The following ZFHX3 variants were observed in gnomAD, a reference collection of about 807,000 sequenced individuals.
The protein encoded by ZFHX3 is zinc finger homeobox 3.
A neutral mutation model predicts 279.1 loss-of-function variants in ZFHX3; 42 were observed. The ratio of observed to expected loss-of-function variants is 0.15; its 90% confidence interval spans 0.12 to 0.19. The LOEUF (loss-of-function observed/expected upper bound fraction) is 0.19. Among genes scored for constraint, ZFHX3 ranks in the 10% least tolerant of loss-of-function variants. ZFHX3 has a pLI of 1.00. For synonymous variants in ZFHX3, 2,293 were observed against 1,957.8 expected (o/e 1.17, Z -4.52); for missense variants, 4,981 against 4,754.0 (o/e 1.05, Z -1.40).
intron 1 of ZFHX3, among the ~76,000 whole-genome samples, chr16:73,007,753 C>CT (rs905378776): frequency 4.0e-5 from 6 of 151,306 alleles, no homozygotes; most frequent in South Asian, 2.1e-4. Context: ...AAGGCCAGAA[C>CT]TTTTTTTTTA....
chr16:73,322,729 C>A (rs892868482), intron 3 of ZFHX3, among the ~76,000 whole-genome samples: 2 of 152,204 alleles, frequency 1.3e-5, no homozygotes, highest in Non-Finnish European at 2.9e-5. Context: ...CACATTTGAC[C>A]ATTCCCTATT....
chr16:73,252,238 T>A (rs1306199982), intron 5 of ZFHX3, among the ~76,000 whole-genome samples: 4 of 151,992 alleles, frequency 2.6e-5, no homozygotes. Context: ...AAAATAAAAC[T>A]GTGATCCATG....
intron 2 of ZFHX3, among the ~76,000 whole-genome samples, chr16:73,549,774 A>G (rs2020175793): frequency 6.6e-6 from 1 of 152,162 alleles, no homozygotes; most frequent in South Asian, 2.1e-4. Context: ...AGCAGAAAAT[A>G]TTCACCACAA....
At chr16:73,423,709 A>G (rs1267915392) in intron 3 of ZFHX3, among the ~76,000 whole-genome samples, 3 of 152,104 alleles carry the variant, frequency 2.0e-5, no homozygotes, top group Non-Finnish European at 4.4e-5. Flanking sequence ...TAAGAATACA[A>G]AACTTAGCCA....
At chr16:73,252,623 G>C (rs1378647169) in intron 5 of ZFHX3, among the ~76,000 whole-genome samples, 2 of 152,162 alleles carry the variant, frequency 1.3e-5, no homozygotes, top group South Asian at 2.1e-4. Context: ...AGCTTCAAAA[G>C]CTCAGGGTGG....
intron 5 of ZFHX3, among the ~76,000 whole-genome samples, chr16:73,199,142 C>A (rs1168497657): frequency 6.6e-6 from 1 of 152,190 alleles, no homozygotes. Context: ...CCAGGTTCAA[C>A]TATACCATCA....
chr16:73,697,364 A>G (rs1453519240), intron 1 of ZFHX3, among the ~76,000 whole-genome samples: 1 of 152,238 alleles, frequency 6.6e-6, no homozygotes, highest in Non-Finnish European at 1.5e-5. Context: ...ATAAAGACAA[A>G]TGAATCACAG....
chr16:73,502,015 G>A (rs541660171), intron 2 of ZFHX3, among the ~76,000 whole-genome samples: 1 of 152,040 alleles, frequency 6.6e-6, no homozygotes, highest in Non-Finnish European at 1.5e-5. Flanking sequence ...CCACAGCAGC[G>A]GGTTGTCTCT....
intron 4 of ZFHX3, among the ~76,000 whole-genome samples, chr16:72,867,393 A>G (rs1165311790): frequency 6.6e-6 from 1 of 152,234 alleles, no homozygotes; most frequent in Non-Finnish European, 1.5e-5. Flanking sequence ...CTGAGCAGGA[A>G]GATGAGAACG....
chr16:73,324,576 A>G (rs1288715411), intron 3 of ZFHX3, among the ~76,000 whole-genome samples: 2 of 152,216 alleles, frequency 1.3e-5, no homozygotes, highest in African/African-American at 4.8e-5. Flanking sequence ...AGAGAATGCA[A>G]TGATGAAAGT....
chr16:73,809,185 G>A (rs567040420), intron 1 of ZFHX3: 12 of 152,292 alleles, frequency 7.9e-5, no homozygotes, highest in Middle Eastern at 3.4e-3. Context: ...AGAGTTCCTG[G>A]GAGGAATTAA....
At chr16:73,011,485 G>C (rs12050983) in intron 1 of ZFHX3, among the ~76,000 whole-genome samples, 34,155 of 151,834 alleles carry the variant, frequency 0.22, 4,518 homozygotes, top group East Asian at 0.64. Context: ...GCTCATACCT[G>C]TAATCCCAGT....
In ZFHX3 at chr16:72,882,473, C is replaced by T. The variant is rs113673180; in HGVS notation, c.3448+7258G>A. Reference sequence around the variant, plus strand: ...TAGAACATCAAAGAATGAGTGAATACGAATCACTGCAACTCAGGCCACTGC... The same window carrying T: ...TAGAACATCAAAGAATGAGTGAATATGAATCACTGCAACTCAGGCCACTGC... On this transcript the variant is annotated intron_variant, in intron 4 of 9. Coordinates refer to ENST00000268489, the MANE Select transcript of ZFHX3 (RefSeq NM_006885.4). Among the ~76,000 whole-genome samples the T allele has an allele frequency of 5.8e-4, 88 of 152,276 alleles. No homozygotes were observed. In the Middle Eastern group the frequency reaches 0.014, roughly 24 times the overall value.
chr16:73,787,807 T>G lies in ZFHX3; in HGVS notation c.-1608+103844A>C, dbSNP rs565260615. On this transcript the variant is annotated intron_variant, in intron 1 of 17. Transcript: ENST00000641206. ...TTTCTGCCTAAACACTGTCACTGTT[T>G]TCTTAAAGTGTGTGTGTGTGTGTGT... is the stretch of plus-strand genomic sequence containing the variant. 2.0e-5 allele frequency among the ~76,000 whole-genome samples: 3 copies of G among 147,194 alleles called. No individual in the cohort carries two copies. The South Asian group carries it at 6.4e-4, about 32-fold the overall frequency.
intron 2 of ZFHX3, among the ~76,000 whole-genome samples, chr16:73,507,912 A>T (rs1018131983): frequency 1.2e-4 from 19 of 152,274 alleles, no homozygotes; most frequent in African/African-American, 3.4e-4. Context: ...TTTTTGTGAG[A>T]TTAGAATCGA....
At chr16:73,866,371 G>A (rs1399736472) in intron 1 of ZFHX3, among the ~76,000 whole-genome samples, 1 of 151,580 alleles carries the variant, frequency 6.6e-6, no homozygotes, top group Non-Finnish European at 1.5e-5. Context: ...TGGAGATGGG[G>A]TTTCACCATG....
chr16:73,708,119 A>C (rs947306130), intron 1 of ZFHX3, among the ~76,000 whole-genome samples: 2 of 152,146 alleles, frequency 1.3e-5, no homozygotes, highest in Non-Finnish European at 2.9e-5. Flanking sequence ...AGAATTCCCA[A>C]ATGGTTGTGC....
intron 3 of ZFHX3, among the ~76,000 whole-genome samples, chr16:72,903,686 T>C (rs1036177614): frequency 6.6e-6 from 1 of 152,192 alleles, no homozygotes; most frequent in African/African-American, 2.4e-5. Flanking sequence ...ATTTTATTAG[T>C]TGAGAAAGAT....
chr16:72,858,492 T>A (rs1386888857), intron 4 of ZFHX3, among the ~76,000 whole-genome samples: 1 of 152,160 alleles, frequency 6.6e-6, no homozygotes, highest in Non-Finnish European at 1.5e-5. Context: ...TGCACTTTAT[T>A]CTCTTTCATA....
Sources: gnomAD v4.1 joint callset for allele counts (sites outside exome capture counted in the v4.1 genomes callset) on GRCh38, gnomAD v4.1.1 for gene constraint, MANE v1.5 for transcripts, NCBI Gene and HGNC (gene_info 2026-07-23, HGNC 2026-07-21) for gene names.